Variants in NOP56 observed in about 807,000 individuals in gnomAD.
NOP56 encodes the protein NOP56 ribonucleoprotein.
NOP56 carries 31 observed loss-of-function variants against 58.3 expected under a neutral mutation model. The observed-to-expected ratio is 0.53, with a 90% confidence interval of 0.40 to 0.72. The LOEUF is 0.72. NOP56 is among the 30% of genes least tolerant of loss of function. The pLI is 0.00. For synonymous variants in NOP56, 313 were observed against 282.8 expected (o/e 1.11, Z -1.07); for missense variants, 669 against 739.9 (o/e 0.90, Z 1.11).
chr20:2,653,400 C>T lies in NOP56; in HGVS notation c.208+7C>T. On this transcript the variant is annotated splice_region_variant and intron_variant, in intron 3 of 11. Transcript: ENST00000329276. ...GCCAACGCCGTGTCTGAAGGTAAGT[C>T]GGCCACCGCCAAGTGTCACAGAGAG... The T allele has an allele frequency of 1.0e-5, 16 of 1,608,038 alleles. No homozygotes were observed. The highest frequency in any genetic ancestry group is 1.4e-5 in the Non-Finnish European group (16 of 1,174,436).
rs771484700 is a variant in NOP56, at chr20:2,655,407, G to A, written c.652G>A (p.Gly218Arg). The change falls in exon 6 of 12, where the codon GGA becomes AGA. Residue 218 changes from glycine to arginine, a missense_variant. This residue lies in a region of NOP56 where 339 missense variants were observed against 430.5 expected (regional missense o/e 0.79). Transcript: ENST00000329276. ...ATYCRLAQFIGNRRELNEDKL... is the reference protein window; with the variant it reads ...ATYCRLAQFIRNRRELNEDKL... ...ATACTGCCGTCTTGCCCAGTTTATT[G>A]GAAACCGAAGGGAACTGAATGAGGA... is the stretch of plus-strand genomic sequence containing the variant. 1 of 1,614,104 alleles carries A rather than the reference G, an allele frequency of 6.2e-7. No individual in the cohort carries two copies. Among genetic ancestry groups the A allele is most frequent in the East Asian group, 2.2e-5 (1 of 44,876 alleles).
chr20:2,652,695 G>A (rs1293254852), intron 1 of NOP56, 32 bp downstream of exon 1: 19 of 1,463,050 alleles, frequency 1.3e-5, no homozygotes, highest in Admixed American at 2.7e-5. Flanking sequence ...CGGGCGACGC[G>A]ACGGTGGGGG....
chr20:2,654,314 C>A, intron 3 of NOP56, 100 bp from the exon 4 acceptor site: 2 of 1,208,772 alleles, frequency 1.7e-6, no homozygotes, highest in Non-Finnish European at 2.5e-6. Flanking sequence ...TCTAGGTATG[C>A]CATCCCAGCG....
chr20:2,655,134 C>A, intron 5 of NOP56, 187 bp downstream of exon 5: 1 of 1,045,318 alleles, frequency 9.6e-7, no homozygotes, highest in Non-Finnish European at 1.5e-6. Flanking sequence ...GTAGAGTAAA[C>A]CTACCCCATA....
At position 2,656,829 on chromosome 20, in the gene NOP56, G is replaced by A; in HGVS notation, c.1215G>A (p.Leu405=). 1.2e-6 allele frequency: 2 copies of A among 1,614,156 alleles called. No homozygotes were observed. Among genetic ancestry groups the A allele is most frequent in the Non-Finnish European group, 1.7e-6 (2 of 1,180,036 alleles). ...EKLREQVEER[L]SFYETGEIPR... is the part of the protein sequence containing the mutation. ...TTCGAGAACAAGTTGAAGAGCGACT[G>A]TCCTTCTATGAGACTGGAGAGATAC... The change falls in exon 10 of 12, where the codon CTG becomes CTA. Residue 405 remains leucine (L), a synonymous_variant. Coordinates refer to ENST00000329276, the MANE Select transcript of NOP56 (RefSeq NM_006392.4).
intron 2 of NOP56, 29 bp downstream of exon 2, chr20:2,652,960 G>T (rs754057683): frequency 1.5e-5 from 24 of 1,550,282 alleles, no homozygotes; most frequent in Middle Eastern, 2.0e-4. Context: ...CTCCTTTGGC[G>T]GCCCCGCAGA....
chr20:2,657,530 C>T (rs546461102), intron 11 of NOP56: 45 of 559,354 alleles, frequency 8.0e-5, no homozygotes, highest in South Asian at 7.0e-4. Flanking sequence ...GACGTGTGTC[C>T]GGAGGTGGTC....
At position 2,655,342 on chromosome 20, in the gene NOP56, A is replaced by C; in HGVS notation, c.587A>C (p.His196Pro). The C allele has an allele frequency of 6.2e-7, 1 of 1,614,156 alleles. No individual in the cohort carries two copies. Among genetic ancestry groups the C allele is most frequent in the Non-Finnish European group, 8.5e-7 (1 of 1,180,032 alleles). ...SMRVREWYGY[H>P]FPELVKIIND... Reference sequence around the variant, plus strand: ...CTTTGCAGGGAGTGGTACGGGTATCACTTTCCGGAGCTGGTGAAGATCATC... The same window carrying C: ...CTTTGCAGGGAGTGGTACGGGTATCCCTTTCCGGAGCTGGTGAAGATCATC... The change falls in exon 6 of 12, where the codon CAC becomes CCC. Residue 196 changes from histidine to proline, a missense_variant. Physicochemically the swap from His to Pro is moderately conservative, Grantham distance 77 (BLOSUM62 -2). Coordinates refer to ENST00000329276, the MANE Select transcript of NOP56 (RefSeq NM_006392.4).
intron 11 of NOP56, chr20:2,657,482 A>G (rs1269797648): frequency 4.5e-6 from 3 of 669,156 alleles, no homozygotes; most frequent in Non-Finnish European, 8.3e-6. Flanking sequence ...GGAGTCCTCA[A>G]CCTGGGGTAG....
At chr20:2,657,833 A>G (rs2086846764) in intron 11 of NOP56, 96 bp from the exon 12 acceptor site, 7 of 1,353,584 alleles carry the variant, frequency 5.2e-6, no homozygotes, top group South Asian at 1.5e-5. Flanking sequence ...ACACTGGGCA[A>G]TGTTAACGAC....
rs1256126208 is a variant in NOP56 at position 2,654,760 on chromosome 20, C to T, written c.382C>T (p.His128Tyr). ...TGCCCTCTTCTTAGGAGTTCGTCTG[C>T]ACTTCCACAATCTGGTGAAGGGTCT... ...IAEILRGVRL[H>Y]FHNLVKGLTD... Residue 128 changes from histidine (H) to tyrosine (Y), a missense_variant, in exon 5 of 12, where the codon CAC becomes TAC. His to Tyr is a moderately conservative substitution (Grantham distance 83). Coordinates refer to ENST00000329276, the MANE Select transcript of NOP56 (RefSeq NM_006392.4). 6.2e-7 allele frequency: 1 copy of T among 1,613,916 alleles called. No individual in the cohort carries two copies. The highest frequency in any genetic ancestry group is 8.5e-7 in the Non-Finnish European group (1 of 1,180,038).
chr20:2,655,176 G>T, intron 5 of NOP56, 149 bp from the exon 6 acceptor site: 1 of 1,150,080 alleles, frequency 8.7e-7, no homozygotes, highest in East Asian at 2.3e-5. Flanking sequence ...TGCCTGGTCT[G>T]TATTGTGAAT....
At chr20:2,654,636 A>G in intron 4 of NOP56, 61 bp downstream of exon 4, 1 of 1,608,124 alleles carries the variant, frequency 6.2e-7, no homozygotes, top group African/African-American at 1.3e-5. Flanking sequence ...GAGGTTCTGG[A>G]AACTTGGTTG....
At position 2,652,876 on chromosome 20, in the gene NOP56, G is replaced by A; in HGVS notation, c.38G>A (p.Gly13Asp). The change falls in exon 2 of 12, where the codon GGC becomes GAC. Residue 13 changes from glycine to aspartate, a missense_variant. Around this residue, in one of 3 missense-constraint regions of NOP56, gnomAD observed 121 missense variants for 113.1 expected, o/e 1.07. Coordinates refer to ENST00000329276, the MANE Select transcript of NOP56 (RefSeq NM_006392.4). ...LLHVLFEHAVGYALLALKEVE... is the reference protein window; with the variant it reads ...LLHVLFEHAVDYALLALKEVE... ...CACGTGCTGTTTGAGCACGCGGTCG[G>A]CTACGCGCTGCTGGCGCTGAAGGAA... The A allele has an allele frequency of 6.2e-7, 1 of 1,611,270 alleles. No individual in the cohort carries two copies. Among genetic ancestry groups the A allele is most frequent in the Non-Finnish European group, 8.5e-7 (1 of 1,179,090 alleles).
chr20:2,656,969 T>C, intron 10 of NOP56, 74 bp downstream of exon 10: 1 of 1,613,718 alleles, frequency 6.2e-7, no homozygotes, highest in Non-Finnish European at 8.5e-7. Context: ...AGCCTGACCT[T>C]GTAGAATGGA....
At chr20:2,656,148 T>TG (rs149195853) in intron 8 of NOP56, 114 bp downstream of exon 8, 1 of 1,610,274 alleles carries the variant, frequency 6.2e-7, no homozygotes, top group Non-Finnish European at 8.5e-7. Flanking sequence ...GCCTCTGCTA[T>TG]GGGGGTGATG....
chr20:2,657,272 G>A, intron 11 of NOP56, 54 bp downstream of exon 11: 2 of 1,611,860 alleles, frequency 1.2e-6, no homozygotes, highest in Non-Finnish European at 1.7e-6. Context: ...ATTTTCAACA[G>A]CAGAACAAAG....
intron 3 of NOP56, chr20:2,653,786 G>A (rs1449400401): frequency 8.1e-6 from 2 of 245,406 alleles, no homozygotes; most frequent in Non-Finnish European, 8.2e-6. Flanking sequence ...CGAGTAACTG[G>A]GATTACAGGC....
At chr20:2,652,720 C>G (rs372066491) in intron 1 of NOP56, 57 bp downstream of exon 1, 13 of 1,396,094 alleles carry the variant, frequency 9.3e-6, no homozygotes, top group Non-Finnish European at 1.2e-5. Context: ...GGCCTGCGTT[C>G]GGGCCGCAGA....
Sources: allele counts gnomAD v4.1 joint callset, GRCh38; gene constraint gnomAD v4.1.1; regional missense constraint gnomAD v4.1.1; transcripts MANE v1.5; gene names NCBI Gene and HGNC (gene_info 2026-07-23, HGNC 2026-07-21).